The following TTBK2 variants were observed in gnomAD, a reference collection of about 807,000 sequenced individuals.
TTBK2 encodes tau-tubulin kinase 2.
Under a neutral mutation model 110.8 loss-of-function variants are expected in TTBK2, and 28 were observed. That is an observed-to-expected ratio of 0.25 (90% CI 0.19 to 0.35). TTBK2 has a LOEUF of 0.35. Among genes scored for constraint, TTBK2 ranks in the 10% least tolerant of loss-of-function variants. The pLI, the probability that TTBK2 is intolerant of heterozygous loss-of-function variation, is 1.00. For missense variants in TTBK2, 1,369 were observed against 1,500.3 expected (o/e 0.91, Z 1.45); for synonymous variants, 532 against 527.3 (o/e 1.01, Z -0.12).
rs1316448367 is a variant in TTBK2, at chr15:42,763,103, C to T, written c.1999-9856G>A. ...ACAATTTTATATATATATATATATA[C>T]GTATATATATATATACACATATATA... On this transcript the variant is annotated intron_variant, in intron 13 of 14. Coordinates refer to ENST00000267890, the MANE Select transcript of TTBK2 (RefSeq NM_173500.4). 4.2e-4 allele frequency among the ~76,000 whole-genome samples: 33 copies of T among 78,478 alleles called. No individual in the cohort carries two copies. In the East Asian group the frequency reaches 8.1e-3, roughly 19 times the overall value. 51.5% of individuals were successfully genotyped at this position (78,478 alleles called of 152,430 possible).
intron 8 of TTBK2, 37 bp from the exon 9 acceptor site, chr15:42,810,776 CTCT>C: frequency 6.2e-7 from 1 of 1,611,822 alleles, no homozygotes; most frequent in East Asian, 2.2e-5. Flanking sequence ...CAGTCAATTT[CTCT>C]TGGTGGTTAG....
intron 1 of TTBK2, among the ~76,000 whole-genome samples, chr15:42,888,026 G>C (rs960332311): frequency 1.3e-5 from 2 of 152,028 alleles, no homozygotes; most frequent in Middle Eastern, 3.2e-3. Context: ...GGTTAGTGCG[G>C]TCAGAATTCT....
intron 9 of TTBK2, among the ~76,000 whole-genome samples, chr15:42,807,392 A>C (rs1408745111): frequency 6.6e-6 from 1 of 151,884 alleles, no homozygotes; most frequent in Non-Finnish European, 1.5e-5. Context: ...TGTTACCAGG[A>C]TCACGTGATC....
chr15:42,828,563 A>AAG (rs1483687825), intron 5 of TTBK2, among the ~76,000 whole-genome samples: 1 of 151,750 alleles, frequency 6.6e-6, no homozygotes, highest in African/African-American at 2.4e-5. Flanking sequence ...AAAAAAAAAA[A>AAG]AATACAAAAA....
At position 42,752,850 on chromosome 15, in the gene TTBK2, C is replaced by A. The variant is rs778174365; in HGVS notation, c.2396G>T (p.Cys799Phe). ...EDEKLSRGQH[C>F]IEISSLPGDL... ...TCCTGGGAGAGAGGAGATCTCAATA[C>A]AATGCTGCCCTCTACTTAACTTCTC... The change falls in exon 14 of 15, where the codon TGT becomes TTT. Residue 799 changes from cysteine to phenylalanine, a missense_variant. Cys to Phe is a radical substitution (Grantham distance 205, BLOSUM62 -2). Transcript: ENST00000267890. 113 of 1,614,066 alleles carry A rather than the reference C, an allele frequency of 7.0e-5. No homozygotes were observed. The highest frequency in any genetic ancestry group is 9.3e-5 in the Non-Finnish European group (110 of 1,180,038).
At chr15:42,817,294 T>G (rs1268359568) in intron 6 of TTBK2, among the ~76,000 whole-genome samples, 197 bp from the exon 7 acceptor site, 3 of 151,652 alleles carry the variant, frequency 2.0e-5, no homozygotes, top group African/African-American at 7.3e-5. Flanking sequence ...AAAAAAAAAC[T>G]GATAAAATTT....
chr15:42,856,564 T>C (rs1280584564), intron 3 of TTBK2, among the ~76,000 whole-genome samples: 1 of 152,150 alleles, frequency 6.6e-6, no homozygotes, highest in Non-Finnish European at 1.5e-5. Flanking sequence ...TATTGTAAAA[T>C]AACGGTTAAT....
At position 42,738,904 on chromosome 15, in the gene TTBK2, A is replaced by G. The variant is rs1358412602; in HGVS notation, c.*6891T>C. The G allele has an allele frequency of 6.6e-6, 1 of 152,200 alleles. No homozygotes were observed. The highest frequency in any genetic ancestry group is 1.5e-5 in the Non-Finnish European group (1 of 68,028). 9.4% of individuals were successfully genotyped at this position (152,200 alleles called of 1,614,324 possible). On this transcript the variant is annotated 3_prime_UTR_variant, in exon 15 of 15. Transcript: ENST00000267890. ...TGATCTTGTAACATCTGGTGTATTC[A>G]ATAACTTTATTAAATTAGAAAAATA... is the stretch of plus-strand genomic sequence containing the variant.
chr15:42,871,791 A>C (rs948992374), intron 3 of TTBK2, among the ~76,000 whole-genome samples: 3 of 152,188 alleles, frequency 2.0e-5, no homozygotes, highest in African/African-American at 7.2e-5. Flanking sequence ...GGAGATGCTA[A>C]GTTTGAGCTA....
chr15:42,913,691 A>T (rs2030919758), intron 1 of TTBK2, among the ~76,000 whole-genome samples: 1 of 152,158 alleles, frequency 6.6e-6, no homozygotes, highest in Admixed American at 6.5e-5. Flanking sequence ...ACAATTACTG[A>T]CAACAAAAGT....
chr15:42,813,091 G>A (rs1229491204), intron 7 of TTBK2, among the ~76,000 whole-genome samples: 4 of 151,980 alleles, frequency 2.6e-5, no homozygotes, highest in Non-Finnish European at 4.4e-5. Flanking sequence ...GAATCTTCCA[G>A]AATCAAGGAA....
chr15:42,888,313 T>C (rs887570161), intron 1 of TTBK2, among the ~76,000 whole-genome samples: 4 of 152,130 alleles, frequency 2.6e-5, no homozygotes, highest in African/African-American at 2.4e-5. Context: ...CCATTATTCC[T>C]GGCCCGGACT....
rs1478921447 is a variant in TTBK2 at position 42,810,617 on chromosome 15, G to A, written c.819C>T (p.Tyr273=). Residue 273 remains tyrosine, a synonymous_variant, in exon 9 of 15, where the codon TAC becomes TAT. Coordinates refer to ENST00000267890, the MANE Select transcript of TTBK2 (RefSeq NM_173500.4). ...SSLDYFTKPD[Y]QLLTSVFDNS... Reference sequence around the variant, plus strand: ...CAGAACTCACAAAGATGGTTACCTGGTAGTCTGGTTTTGTAAAATAATCCA... The same window carrying A: ...CAGAACTCACAAAGATGGTTACCTGATAGTCTGGTTTTGTAAAATAATCCA... 2 of 1,613,668 alleles carry A rather than the reference G, an allele frequency of 1.2e-6. No individual in the cohort carries two copies. Among genetic ancestry groups the A allele is most frequent in the Non-Finnish European group, 1.7e-6 (2 of 1,179,860 alleles).
At chr15:42,871,851 T>G (rs750034428) in intron 3 of TTBK2, among the ~76,000 whole-genome samples, 1 of 152,164 alleles carries the variant, frequency 6.6e-6, no homozygotes, top group Non-Finnish European at 1.5e-5. Context: ...CATTCTCTAA[T>G]CAAATGAGCC....
chr15:42,882,268 G>C (rs980088981), intron 1 of TTBK2, among the ~76,000 whole-genome samples: 2 of 151,628 alleles, frequency 1.3e-5, no homozygotes, highest in African/African-American at 2.4e-5. Flanking sequence ...TAACCAAACT[G>C]CTGAAAATTA....
chr15:42,810,832 G>T, intron 8 of TTBK2, 93 bp from the exon 9 acceptor site: 2 of 1,426,732 alleles, frequency 1.4e-6, no homozygotes, highest in African/African-American at 2.8e-5. Context: ...GTATGTACTA[G>T]GGAATGAGAT....
chr15:42,751,771 A>T (rs530481587), intron 14 of TTBK2, among the ~76,000 whole-genome samples: 1 of 152,250 alleles, frequency 6.6e-6, no homozygotes, highest in South Asian at 2.1e-4. Flanking sequence ...AAGATGCTAA[A>T]TTTTATGTTA....
At chr15:42,832,736 G>A (rs1892813070) in intron 4 of TTBK2, among the ~76,000 whole-genome samples, 1 of 152,118 alleles carries the variant, frequency 6.6e-6, no homozygotes, top group African/African-American at 2.4e-5. Flanking sequence ...TGCTCCGTCA[G>A]GCCCAGGACG....
rs1555426570 is a variant in TTBK2 at position 42,807,591 on chromosome 15, T to TTTTTTG, written c.822+3022_822+3023insCAAAAA. On this transcript the variant is annotated intron_variant, in intron 9 of 14. Coordinates refer to ENST00000267890, the MANE Select transcript of TTBK2 (RefSeq NM_173500.4). ...ACCTGGCTAATTTTTTTTGTTGTTT[T>TTTTTTG]TTGTTGTTGTTGTTGTTTTGTTTTT... Among the ~76,000 whole-genome samples, 54 of 150,746 alleles carry TTTTTTG rather than the reference T, an allele frequency of 3.6e-4. No homozygotes were observed. In the South Asian group the frequency reaches 6.8e-3, roughly 19 times the overall value.
Sources: gnomAD v4.1 joint callset for allele counts (sites outside exome capture counted in the v4.1 genomes callset) on GRCh38, gnomAD v4.1.1 for gene constraint, MANE v1.5 for transcripts, NCBI Gene and HGNC (gene_info 2026-07-23, HGNC 2026-07-21) for gene names.